CLEC5A: variants seen among roughly 807,000 people sequenced by gnomAD.
CLEC5A encodes C-type lectin domain family 5 member A.
Under a neutral mutation model 24.4 loss-of-function variants are expected in CLEC5A, and 15 were observed. The observed-to-expected ratio is 0.62, with a 90% confidence interval of 0.41 to 0.95. The LOEUF (loss-of-function observed/expected upper bound fraction) is 0.95, where lower values mean the gene tolerates loss of function less well. Among genes scored for constraint, CLEC5A ranks in the 40% least tolerant of loss-of-function variants. The pLI, the probability that CLEC5A is intolerant of heterozygous loss-of-function variation, is 0.00. For missense variants in CLEC5A, 211 were observed against 224.0 expected (o/e 0.94, Z 0.37); for synonymous variants, 71 against 72.6 (o/e 0.98, Z 0.11).
intron 3 of CLEC5A, 43 bp from the exon 4 acceptor site, chr7:141,944,007 C>T: frequency 8.5e-7 from 1 of 1,182,294 alleles, no homozygotes; most frequent in Non-Finnish European, 1.3e-6. Flanking sequence ...ATGATGAATA[C>T]AACACAGAAA....
In CLEC5A at chr7:141,930,063, A is replaced by G; in HGVS notation, c.*41T>C. 3 of 1,502,950 alleles carry G rather than the reference A, an allele frequency of 2.0e-6. No homozygotes were observed. The highest frequency in any genetic ancestry group is 2.8e-6 in the Non-Finnish European group (3 of 1,081,626). The allele number at this position is 1,502,950 out of a possible 1,614,324, so 93.1% of individuals were successfully genotyped here. ...TGGCCAGACGACCTGTATGGATTCA[A>G]AAAGAGTTGCAAGTATAGTTCTTGT... is the stretch of plus-strand genomic sequence containing the variant. On this transcript the variant is annotated 3_prime_UTR_variant, in exon 7 of 7. Coordinates refer to ENST00000546910, the MANE Select transcript of CLEC5A (RefSeq NM_013252.3).
At chr7:141,931,090 G>C (rs1038592242) in intron 6 of CLEC5A, among the ~76,000 whole-genome samples, 5 of 152,112 alleles carry the variant, frequency 3.3e-5, no homozygotes, top group Non-Finnish European at 7.4e-5. Context: ...CAGCTCTTGG[G>C]GGTCAGAAGT....
chr7:141,943,807 A>G (rs1802869536), intron 4 of CLEC5A, 89 bp downstream of exon 4: 12 of 928,324 alleles, frequency 1.3e-5, no homozygotes, highest in East Asian at 2.4e-5. Context: ...AAAAAATTCC[A>G]TAAGAATAAA....
intron 4 of CLEC5A, among the ~76,000 whole-genome samples, chr7:141,940,642 G>A (rs1802763386): frequency 6.6e-6 from 1 of 150,810 alleles, no homozygotes; most frequent in East Asian, 1.9e-4. Flanking sequence ...ACAAAAGTCG[G>A]CTTTTTGAAA....
chr7:141,936,660 G>A (rs1234078225), intron 4 of CLEC5A, among the ~76,000 whole-genome samples: 1 of 152,152 alleles, frequency 6.6e-6, no homozygotes, highest in East Asian at 1.9e-4. Context: ...GCAAGTCCTT[G>A]TGCTGAGCTG....
chr7:141,942,210 A>G (rs185761420), intron 4 of CLEC5A, among the ~76,000 whole-genome samples: 5 of 152,276 alleles, frequency 3.3e-5, no homozygotes, highest in Admixed American at 6.5e-5. Context: ...CCAAAATGCC[A>G]TGGTACTGTC....
chr7:141,931,547 A>G (rs1802461111), intron 6 of CLEC5A, 173 bp downstream of exon 6: 1 of 542,646 alleles, frequency 1.8e-6, no homozygotes. Context: ...CTCTTTCATA[A>G]GAAAACATTT....
chr7:141,931,505 AAT>A (rs1802459011), intron 6 of CLEC5A: 1 of 533,142 alleles, frequency 1.9e-6, no homozygotes, highest in East Asian at 3.0e-5. Flanking sequence ...TTGCTATATG[AAT>A]ACTCTTCTTT....
At chr7:141,941,443 C>G (rs1446208575) in intron 4 of CLEC5A, among the ~76,000 whole-genome samples, 1 of 151,956 alleles carries the variant, frequency 6.6e-6, no homozygotes, top group African/African-American at 2.4e-5. Context: ...AAATAAAAGC[C>G]ATATATGACA....
chr7:141,931,807 G>C lies in CLEC5A; in HGVS notation c.365C>G (p.Thr122Ser). Residue 122 changes from threonine (T) to serine (S), a missense_variant, in exon 6 of 7, where the codon ACT becomes AGT. Transcript: ENST00000546910. ...GCCAATAAAATACTTCTCAGCATCA[G>C]TTATGTCCTGAAGAAACTTCTGGAA... is the stretch of plus-strand genomic sequence containing the variant. ...PEKLKFLQDI[T>S]DAEKYFIGLI... The C allele has an allele frequency of 1.3e-6, 2 of 1,581,426 alleles. No individual in the cohort carries two copies. Among genetic ancestry groups the C allele is most frequent in the Non-Finnish European group, 1.7e-6 (2 of 1,159,022 alleles).
At position 141,943,955 on chromosome 7, in the gene CLEC5A, A is replaced by G; in HGVS notation, c.149T>C (p.Ile50Thr). ...GGGACTTGGGGAACTGCTCCCAAAAATCTGTGAGACTAAAGTGAAAAGTAA... is the reference window on the plus strand; with the variant it reads ...GGGACTTGGGGAACTGCTCCCAAAAGTCTGTGAGACTAAAGTGAAAAGTAA... The part of the protein sequence containing the change: ...TTRSYGTVSQ[I>T]FGSSSPSPNG... The change falls in exon 4 of 7, where the codon ATT (isoleucine) becomes ACT (threonine). Residue 50 changes from isoleucine to threonine, a missense_variant. Coordinates refer to ENST00000546910, the MANE Select transcript of CLEC5A (RefSeq NM_013252.3). 6.2e-7 allele frequency: 1 copy of G among 1,605,632 alleles called. No individual in the cohort carries two copies. Among genetic ancestry groups the G allele is most frequent in the Non-Finnish European group, 8.5e-7 (1 of 1,172,566 alleles).
intron 3 of CLEC5A, among the ~76,000 whole-genome samples, chr7:141,945,062 A>G (rs782054559): frequency 7.2e-5 from 11 of 152,194 alleles, no homozygotes; most frequent in Admixed American, 6.6e-4. Flanking sequence ...TCATCTCTCT[A>G]TCTCCCATAG....
In CLEC5A at chr7:141,928,177, A is replaced by G. The variant is rs1036265631; in HGVS notation, c.*1927T>C. ...TTAAACCAAATCCCACATATTCCCTATCTACTCCCCACTCCCACCCCAGGC... is the reference window on the plus strand; with the variant it reads ...TTAAACCAAATCCCACATATTCCCTGTCTACTCCCCACTCCCACCCCAGGC... On this transcript the variant is annotated 3_prime_UTR_variant, in exon 7 of 7. Transcript: ENST00000546910. 5 of 152,278 alleles carry G rather than the reference A, an allele frequency of 3.3e-5. No individual in the cohort carries two copies. The highest frequency in any genetic ancestry group is 7.2e-5 in the African/African-American group (3 of 41,390). The allele number at this position is 152,278 out of a possible 1,614,324, so 9.4% of individuals were successfully genotyped here.
At chr7:141,939,108 G>A (rs1303034334) in intron 4 of CLEC5A, among the ~76,000 whole-genome samples, 1 of 152,066 alleles carries the variant, frequency 6.6e-6, no homozygotes, top group African/African-American at 2.4e-5. Flanking sequence ...TAGGTACATG[G>A]AAAAACACAA....
intron 5 of CLEC5A, among the ~76,000 whole-genome samples, chr7:141,933,252 G>A (rs1176839567): frequency 6.6e-6 from 1 of 152,150 alleles, no homozygotes; most frequent in Non-Finnish European, 1.5e-5. Flanking sequence ...TAGAATGATA[G>A]ATGAGGTGAT....
At chr7:141,942,482 C>T (rs1265583282) in intron 4 of CLEC5A, among the ~76,000 whole-genome samples, 1 of 152,066 alleles carries the variant, frequency 6.6e-6, no homozygotes, top group Non-Finnish European at 1.5e-5. Context: ...TACAAGAAAA[C>T]TTCGGGGAAA....
Position 141,928,522 on chromosome 7 carries a change from C to G in CLEC5A, c.*1582G>C, listed in dbSNP as rs1470823430. On this transcript the variant is annotated 3_prime_UTR_variant, in exon 7 of 7. Transcript: ENST00000546910. ...CCCAACACAGTCAGAGAACTTGTATCTCCACCGGCTACTAATATAATTCCA... is the reference window on the plus strand; with the variant it reads ...CCCAACACAGTCAGAGAACTTGTATGTCCACCGGCTACTAATATAATTCCA... The G allele has an allele frequency of 6.6e-6, 1 of 152,160 alleles. No homozygotes were observed. The highest frequency in any genetic ancestry group is 2.4e-5 in the African/African-American group (1 of 41,430). 9.4% of individuals were successfully genotyped at this position (152,160 alleles called of 1,614,324 possible).
In CLEC5A at chr7:141,946,346, C is replaced by T. The variant is rs112071384; in HGVS notation, c.-20-34G>A. ...ATTAGAGCACAGCAGCATCAGAATT[C>T]GGGTACAAGGCTGCTTTTCACTAGG... On this transcript the variant is annotated intron_variant, in intron 1 of 6. Transcript: ENST00000546910. 1,542 of 1,540,406 alleles carry T rather than the reference C, an allele frequency of 1.0e-3. 11 individuals carry two copies. The African/African-American group carries it at 0.016, about 16-fold the overall frequency.
Position 141,944,074 on chromosome 7 carries a change from C to T in CLEC5A, c.140-110G>A, listed in dbSNP as rs1346826803. ...TGAATCATGGAGATGACAAGAAGCT[C>T]TTGGCCACTCTGAGCTAGAACATTT... On this transcript the variant is annotated intron_variant, in intron 3 of 6. Transcript: ENST00000546910. The T allele has an allele frequency of 4.2e-5, 31 of 730,826 alleles. No individual in the cohort carries two copies. The East Asian group carries it at 7.7e-4, about 18-fold the overall frequency. The allele number at this position is 730,826 out of a possible 1,614,324, so 45.3% of individuals were successfully genotyped here.
Sources: allele counts gnomAD v4.1 joint callset (sites outside exome capture counted in the v4.1 genomes callset), GRCh38; gene constraint gnomAD v4.1.1; transcripts MANE v1.5; gene names NCBI Gene and HGNC (gene_info 2026-07-23, HGNC 2026-07-21).